The following MME variants were observed in gnomAD, a reference collection of about 807,000 sequenced individuals.
The protein encoded by MME is membrane metalloendopeptidase.
A neutral mutation model predicts 113.2 loss-of-function variants in MME; 98 were observed. The observed-to-expected ratio is 0.87, with a 90% confidence interval of 0.74 to 1.02. The LOEUF is 1.02. Among genes scored for constraint, MME ranks in the 50% least tolerant of loss-of-function variants. MME has a pLI of 0.00. For missense variants in MME, 836 were observed against 896.0 expected (o/e 0.93, Z 0.86); for synonymous variants, 292 against 300.6 (o/e 0.97, Z 0.30).
At chr3:155,047,974 G>A (rs1227755743) in intron 1 of MME, among the ~76,000 whole-genome samples, 1 of 152,138 alleles carries the variant, frequency 6.6e-6, no homozygotes, top group Non-Finnish European at 1.5e-5. Context: ...GAGTAGTCTA[G>A]TTATCATTTC....
intron 3 of MME, chr3:155,089,931 G>A (rs3773903): frequency 0.12 from 51,121 of 427,850 alleles, 3,393 homozygotes; most frequent in Non-Finnish European, 0.14. Context: ...CTGCACTCCA[G>A]CCTGGAAGAC....
chr3:155,024,589 C>T (rs910844634), intron 1 of MME, among the ~76,000 whole-genome samples: 1 of 152,104 alleles, frequency 6.6e-6, no homozygotes, highest in Non-Finnish European at 1.5e-5. Flanking sequence ...TGCCATTCAA[C>T]CTTAACTTTA....
rs142650227 is a variant in MME at position 155,175,723 on chromosome 3, A to G, written c.2153+3111A>G. On this transcript the variant is annotated intron_variant, in intron 22 of 22. Coordinates refer to ENST00000360490, the MANE Select transcript of MME (RefSeq NM_007289.4). Reference sequence around the variant, plus strand: ...AAGCAAGAAATGTTTCTCACAGCTTAATTTCTAATATTTTGAAGGAATATT... The same window carrying G: ...AAGCAAGAAATGTTTCTCACAGCTTGATTTCTAATATTTTGAAGGAATATT... 6.9e-3 allele frequency among the ~76,000 whole-genome samples: 1,048 copies of G among 152,090 alleles called. 11 individuals are homozygous for G. Among genetic ancestry groups the G allele is most frequent in the African/African-American group, 0.024 (988 of 41,510 alleles).
Position 155,181,190 on chromosome 3 carries a change from T to A in MME, c.*731T>A, listed in dbSNP as rs1364515201. The stretch of plus-strand genomic sequence containing the variant: ...GGTATTTTTCAGAGATTTATATAAA[T>A]GTAAAAATAATAATTTTTATATTTA... On this transcript the variant is annotated 3_prime_UTR_variant, in exon 23 of 23. Transcript: ENST00000360490. 1 of 151,944 alleles carries A rather than the reference T, an allele frequency of 6.6e-6. No homozygotes were observed. The highest frequency in any genetic ancestry group is 2.4e-5 in the African/African-American group (1 of 41,434). The allele number at this position is 151,944 out of a possible 1,614,324, so 9.4% of individuals were successfully genotyped here. A position where few individuals can be genotyped will look rare whatever the true frequency, so the allele number is the denominator to read the frequency against.
intron 1 of MME, among the ~76,000 whole-genome samples, chr3:155,061,637 T>C (rs1714150721): frequency 6.6e-6 from 1 of 151,950 alleles, no homozygotes; most frequent in African/African-American, 2.4e-5. Context: ...GATTTACTTA[T>C]TAATTCTAAC....
At chr3:155,036,217 CTACT>C (rs1316068200) in intron 1 of MME, among the ~76,000 whole-genome samples, 1 of 152,142 alleles carries the variant, frequency 6.6e-6, no homozygotes, top group Non-Finnish European at 1.5e-5. Flanking sequence ...AGTGAAATCA[CTACT>C]TAATCTTTGA....
intron 3 of MME, among the ~76,000 whole-genome samples, chr3:155,095,933 T>C (rs982576253): frequency 6.6e-6 from 1 of 152,078 alleles, no homozygotes; most frequent in East Asian, 1.9e-4. Context: ...GTGATAGCAA[T>C]GAGGCCGGGA....
At chr3:155,174,336 G>A (rs1226315830) in intron 22 of MME, among the ~76,000 whole-genome samples, 3 of 115,528 alleles carry the variant, frequency 2.6e-5, no homozygotes, top group African/African-American at 3.6e-5. Context: ...GTGTGTGTGT[G>A]TGTGTGTGTG....
chr3:155,057,270 T>A (rs1713964573), intron 1 of MME, among the ~76,000 whole-genome samples: 1 of 151,916 alleles, frequency 6.6e-6, no homozygotes, highest in Non-Finnish European at 1.5e-5. Context: ...AACAGCCCCA[T>A]CAAAAAGTGG....
At chr3:155,092,883 C>T (rs1716411817) in intron 3 of MME, among the ~76,000 whole-genome samples, 1 of 152,056 alleles carries the variant, frequency 6.6e-6, no homozygotes, top group Non-Finnish European at 1.5e-5. Context: ...CATAAGGGGA[C>T]TTCTTGGGGT....
intron 16 of MME, chr3:155,158,323 AGATACCT>A (rs1396944167): frequency 6.6e-6 from 1 of 152,118 alleles, no homozygotes; most frequent in Non-Finnish European, 1.5e-5. Context: ...ACTGGGACCT[AGATACCT>A]GTTAAATTAA....
At chr3:155,053,943 C>A (rs567255665) in intron 1 of MME, among the ~76,000 whole-genome samples, 2 of 152,178 alleles carry the variant, frequency 1.3e-5, no homozygotes, top group Non-Finnish European at 2.9e-5. Flanking sequence ...AAACCAGTAA[C>A]CCTTTTATAA....
intron 10 of MME, among the ~76,000 whole-genome samples, chr3:155,141,775 T>G (rs1192916405): frequency 6.6e-6 from 1 of 152,192 alleles, no homozygotes; most frequent in East Asian, 1.9e-4. Flanking sequence ...TTCCTTAAGC[T>G]TAAAGGCTTT....
intron 1 of MME, among the ~76,000 whole-genome samples, chr3:155,041,695 T>C (rs1490712387): frequency 6.6e-6 from 1 of 152,128 alleles, no homozygotes; most frequent in Admixed American, 6.6e-5. Flanking sequence ...TCTGTTTAAA[T>C]AGAAGTGCAC....
intron 22 of MME, 114 bp from the exon 23 acceptor site, chr3:155,180,246 C>A: frequency 1.2e-6 from 1 of 823,270 alleles, no homozygotes; most frequent in South Asian, 1.4e-5. Context: ...TTAAGTTTAA[C>A]TTTAAATTCC....
At position 155,148,416 on chromosome 3, in the gene MME, T is replaced by C. The variant is rs61758207; in HGVS notation, c.1498-134T>C. The C allele has an allele frequency of 4.1e-4, 263 of 639,266 alleles. 1 individual carries two copies. The highest frequency in any genetic ancestry group is 6.7e-4 in the Non-Finnish European group (240 of 360,702). The allele number at this position is 639,266 out of a possible 1,614,324, so 39.6% of individuals were successfully genotyped here. Reference sequence around the variant, plus strand: ...AATTAGGTTAACTGGAACTACATCCTTTTTTGGTAAGTTTTTTAATGCTCT... The same window carrying C: ...AATTAGGTTAACTGGAACTACATCCCTTTTTGGTAAGTTTTTTAATGCTCT... On this transcript the variant is annotated intron_variant, in intron 15 of 22. Transcript: ENST00000360490.
chr3:155,182,499 T>C lies in MME; in HGVS notation c.*2040T>C, dbSNP rs1159458500. 2 of 152,202 alleles carry C rather than the reference T, an allele frequency of 1.3e-5. No homozygotes were observed. Among genetic ancestry groups the C allele is most frequent in the Non-Finnish European group, 2.9e-5 (2 of 68,028 alleles). 9.4% of individuals were successfully genotyped at this position (152,202 alleles called of 1,614,324 possible). A position where few individuals can be genotyped will look rare whatever the true frequency, so the allele number is the denominator to read the frequency against. On this transcript the variant is annotated 3_prime_UTR_variant, in exon 23 of 23. Coordinates refer to ENST00000360490, the MANE Select transcript of MME (RefSeq NM_007289.4). Reference sequence around the variant, plus strand: ...GTGGATACCCTTACCCTTTCCTCCTTTATCACAACCACCGTTACAAGTATA... The same window carrying C: ...GTGGATACCCTTACCCTTTCCTCCTCTATCACAACCACCGTTACAAGTATA...
upstream of MME, among the ~76,000 whole-genome samples, chr3:155,075,921 A>T (rs1442289382): frequency 6.6e-6 from 1 of 151,986 alleles, no homozygotes; most frequent in East Asian, 1.9e-4. Flanking sequence ...CCATTCTTTT[A>T]TTTTTGTTAA....
chr3:155,181,296 G>A lies in MME; in HGVS notation c.*837G>A, dbSNP rs1394131055. 6.6e-6 allele frequency: 1 copy of A among 151,978 alleles called. No individual in the cohort carries two copies. Among genetic ancestry groups the A allele is most frequent in the African/African-American group, 2.4e-5 (1 of 41,376 alleles). The allele number at this position is 151,978 out of a possible 1,614,324, so 9.4% of individuals were successfully genotyped here. ...GTTTCAGCTTAAAATAAACAGTTGT[G>A]AACCAAGATCTATAAAGCGATATAC... On this transcript the variant is annotated 3_prime_UTR_variant, in exon 23 of 23. Transcript: ENST00000360490.
Sources: allele counts gnomAD v4.1 joint callset (sites outside exome capture counted in the v4.1 genomes callset), GRCh38; gene constraint gnomAD v4.1.1; transcripts MANE v1.5; gene names NCBI Gene and HGNC (gene_info 2026-07-23, HGNC 2026-07-21).